The following ACADSB variants were observed in gnomAD, a reference collection of about 807,000 sequenced individuals.
ACADSB encodes short/branched chain specific acyl-CoA dehydrogenase, mitochondrial.
A neutral mutation model predicts 54.1 loss-of-function variants in ACADSB; 40 were observed. That is an observed-to-expected ratio of 0.74 (90% CI 0.57 to 0.96). The LOEUF (loss-of-function observed/expected upper bound fraction) is 0.96. Ranked by LOEUF, ACADSB falls within the 40% of genes least tolerant of loss-of-function variation. The pLI is 0.00. For missense variants in ACADSB, 530 were observed against 510.4 expected (o/e 1.04, Z -0.37); for synonymous variants, 182 against 182.8 (o/e 1.00, Z 0.03).
At position 123,044,461 on chromosome 10, in the gene ACADSB, A is replaced by AG. The variant is rs1443718162; in HGVS notation, c.878dup (p.Arg294Ter). On this transcript the variant is annotated frameshift_variant, in exon 7 of 11. Transcript: ENST00000358776. LOFTEE classifies it high-confidence loss of function. ...AGTATGCCATAGGGAGTCTCAATGA[A>AG]GGTAGAATAGGAATTGCTGCACAGG... The AG allele has an allele frequency of 1.9e-6, 3 of 1,613,494 alleles. No homozygotes were observed. The East Asian group carries it at 6.7e-5, about 36-fold the overall frequency.
At chr10:123,048,605 A>G (rs1042804851) in intron 8 of ACADSB, among the ~76,000 whole-genome samples, 3 of 152,212 alleles carry the variant, frequency 2.0e-5, no homozygotes, top group Non-Finnish European at 2.9e-5. Flanking sequence ...TAGATAGATC[A>G]ATAGACAGAA....
At chr10:123,040,340 GA>G in intron 3 of ACADSB, 125 bp from the exon 4 acceptor site, 1 of 857,164 alleles carries the variant, frequency 1.2e-6, no homozygotes. Flanking sequence ...GACGGAGCAA[GA>G]CTGTCTCAAA....
intron 4 of ACADSB, 110 bp downstream of exon 4, chr10:123,040,782 C>A: frequency 2.0e-6 from 2 of 1,000,616 alleles, no homozygotes; most frequent in East Asian, 2.6e-5. Flanking sequence ...GACCACAATG[C>A]GGTATCATTA....
intron 1 of ACADSB, among the ~76,000 whole-genome samples, chr10:123,013,360 G>A (rs1281078977): frequency 3.9e-5 from 6 of 152,262 alleles, no homozygotes; most frequent in Non-Finnish European, 8.8e-5. Context: ...ACTGAGTGCT[G>A]ATTGGTGCAC....
chr10:123,057,448 T>A lies in ACADSB; in HGVS notation c.*3683T>A, dbSNP rs1180981587. On this transcript the variant is annotated 3_prime_UTR_variant, in exon 11 of 11. Transcript: ENST00000358776. Reference sequence around the variant, plus strand: ...CCTGTAGTTCTTCCTTTATAGCTTTTCTTCTGATAACCATGACTTCAGGAG... The same window carrying A: ...CCTGTAGTTCTTCCTTTATAGCTTTACTTCTGATAACCATGACTTCAGGAG... 6.6e-6 allele frequency: 1 copy of A among 152,240 alleles called. No individual in the cohort carries two copies. The highest frequency in any genetic ancestry group is 2.1e-4 in the South Asian group (1 of 4,836). 9.4% of individuals were successfully genotyped at this position (152,240 alleles called of 1,614,324 possible).
At chr10:123,051,893 A>G (rs906490547) in intron 9 of ACADSB, among the ~76,000 whole-genome samples, 6 of 152,008 alleles carry the variant, frequency 3.9e-5, no homozygotes, top group Admixed American at 6.6e-5. Context: ...TCATCTTGGC[A>G]CCCTGCTTTC....
At chr10:123,011,833 C>T (rs542232592) in intron 1 of ACADSB, among the ~76,000 whole-genome samples, 5 of 151,952 alleles carry the variant, frequency 3.3e-5, no homozygotes, top group South Asian at 4.2e-4. Context: ...CACACCAGGC[C>T]GCTTGATGTC....
In ACADSB at chr10:123,052,558, A is replaced by G. The variant is rs1779795183; in HGVS notation, c.1129-503A>G. Among the ~76,000 whole-genome samples, 1 of 152,100 alleles carries G rather than the reference A, an allele frequency of 6.6e-6. No individual in the cohort carries two copies. Among genetic ancestry groups the G allele is most frequent in the Non-Finnish European group, 1.5e-5 (1 of 68,016 alleles). On this transcript the variant is annotated intron_variant, in intron 9 of 10. Transcript: ENST00000358776. This position sits in a 1 kb window ranked among gnomAD's most constrained non-coding sequence, Gnocchi z 4.2. ...CCACATCTGCAGAGTCCCTATTGCC[A>G]TGGAAGGCAGCATATTCACAGCTCT... is the stretch of plus-strand genomic sequence containing the variant.
At position 123,051,072 on chromosome 10, in the gene ACADSB, C is replaced by T. The variant is rs57339164; in HGVS notation, c.1014C>T (p.His338=). 532 of 1,612,024 alleles carry T rather than the reference C, an allele frequency of 3.3e-4. No homozygotes were observed. In the African/African-American group the frequency reaches 4.0e-3, roughly 12 times the overall value. ...AGGGCCTCCAACACCAAGTGGCTCA[C>T]GTGGCCACCCAGCTGGAAGCTGCAA... The part of the protein sequence containing the change: ...DFQGLQHQVA[H]VATQLEAARL... The change falls in exon 9 of 11, where the codon CAC becomes CAT. Residue 338 remains histidine, a synonymous_variant. Transcript: ENST00000358776.
intron 5 of ACADSB, 150 bp downstream of exon 5, chr10:123,041,529 T>C (rs1265868150): frequency 1.3e-6 from 1 of 767,882 alleles, no homozygotes; most frequent in Non-Finnish European, 2.1e-6. Flanking sequence ...CTGGCATTTT[T>C]TCACTTCGTT....
chr10:123,033,407 A>G (rs2133473246), intron 1 of ACADSB, among the ~76,000 whole-genome samples: 1 of 141,858 alleles, frequency 7.0e-6, no homozygotes, highest in Middle Eastern at 3.6e-3. Flanking sequence ...GCGTGTAATC[A>G]AAACTACTCA....
chr10:123,050,922 G>A (rs745534226), intron 8 of ACADSB, 127 bp from the exon 9 acceptor site: 11 of 886,604 alleles, frequency 1.2e-5, no homozygotes, highest in South Asian at 4.9e-5. Context: ...TTTAAAAGAC[G>A]TGAATGTAAA....
intron 1 of ACADSB, among the ~76,000 whole-genome samples, chr10:123,030,993 T>C (rs527737486): frequency 6.6e-6 from 1 of 152,384 alleles, no homozygotes; most frequent in South Asian, 2.1e-4. Context: ...TTAATTGTGA[T>C]ATAGTAATGT....
chr10:123,023,931 T>C (rs1055786147), intron 1 of ACADSB, among the ~76,000 whole-genome samples: 41 of 152,338 alleles, frequency 2.7e-4, no homozygotes, highest in African/African-American at 9.9e-4. Context: ...TTTGGAGAGG[T>C]TGAAGTCTGG....
intron 2 of ACADSB, among the ~76,000 whole-genome samples, chr10:123,037,222 C>T (rs1380199013): frequency 6.6e-6 from 1 of 152,122 alleles, no homozygotes; most frequent in Non-Finnish European, 1.5e-5. Context: ...GTCAATAGTG[C>T]CAAGGTGGGG....
intron 7 of ACADSB, among the ~76,000 whole-genome samples, chr10:123,045,147 ATATATATATATATATATATATATATT>A (rs1406403720): frequency 3.1e-4 from 3 of 9,764 alleles, no homozygotes; most frequent in Admixed American, 9.9e-4. Flanking sequence ...ATATATATAT[ATATATATATATATATATATATATATT>A]TTTTTTTTTT....
Position 123,045,144 on chromosome 10 carries a change from TATATATATATATATATATATATATA to T in ACADSB, c.900+660_900+684del, listed in dbSNP as rs1564752855. 6.6e-4 allele frequency among the ~76,000 whole-genome samples: 9 copies of T among 13,564 alleles called. 1 individual carries two copies. Among genetic ancestry groups the T allele is most frequent in the Non-Finnish European group, 7.0e-4 (5 of 7,192 alleles). The allele number at this position is 13,564 out of a possible 152,430, so 8.9% of individuals were successfully genotyped here. On this transcript the variant is annotated intron_variant, in intron 7 of 10. Transcript: ENST00000358776. The stretch of plus-strand genomic sequence containing the variant: ...GTTTTGTAGAGTGTATATATATATA[TATATATATATATATATATATATATA>T]TATTTTTTTTTTTTTTTTTTTTTTT...
chr10:123,046,637 T>A (rs1462201191), intron 7 of ACADSB, among the ~76,000 whole-genome samples: 1 of 152,214 alleles, frequency 6.6e-6, no homozygotes, highest in Non-Finnish European at 1.5e-5. Context: ...TCAGTATTGT[T>A]TTAAATCAGA....
intron 4 of ACADSB, 52 bp from the exon 5 acceptor site, chr10:123,041,157 A>G (rs1589741446): frequency 3.2e-6 from 5 of 1,567,486 alleles, no homozygotes; most frequent in Non-Finnish European, 4.4e-6. Flanking sequence ...TATTTGTTAT[A>G]CAGAGTATAA....
Sources: allele counts gnomAD v4.1 joint callset (sites outside exome capture counted in the v4.1 genomes callset), GRCh38; gene constraint gnomAD v4.1.1; non-coding constraint Gnocchi (gnomAD v3.1); transcripts MANE v1.5; gene names NCBI Gene and HGNC (gene_info 2026-07-23, HGNC 2026-07-21).